The following ZBTB16 variants were observed in gnomAD, a reference collection of about 807,000 sequenced individuals.
The protein encoded by ZBTB16 is zinc finger and BTB domain containing 16.
ZBTB16 carries 8 observed loss-of-function variants against 56.8 expected under a neutral mutation model. That is an observed-to-expected ratio of 0.14 (90% confidence interval 0.08 to 0.25). The LOEUF is 0.25. Among genes scored for constraint, ZBTB16 ranks in the 10% least tolerant of loss-of-function variants. The pLI is 1.00. For synonymous variants in ZBTB16, 363 were observed against 368.5 expected (o/e 0.98, Z 0.17); for missense variants, 625 against 903.0 (o/e 0.69, Z 3.95).
chr11:114,111,156 CGTGTGT>C (rs4020003), intron 2 of ZBTB16, among the ~76,000 whole-genome samples: 2 of 148,842 alleles, frequency 1.3e-5, no homozygotes, highest in African/African-American at 4.9e-5. Context: ...ATCTGTGCTG[CGTGTGT>C]GTGTGTGTGT....
At chr11:114,219,033 T>TG in intron 4 of ZBTB16, among the ~76,000 whole-genome samples, 1 of 152,120 alleles carries the variant, frequency 6.6e-6, no homozygotes, top group East Asian at 1.9e-4. Context: ...TGTGTGTGCA[T>TG]GTGCGTGTGC....
chr11:114,087,445 C>G (rs1323304664), intron 2 of ZBTB16, among the ~76,000 whole-genome samples: 2 of 152,172 alleles, frequency 1.3e-5, no homozygotes, highest in Non-Finnish European at 2.9e-5. Flanking sequence ...CAACACCTTC[C>G]TCTCGAATCG....
At chr11:114,081,422 CAG>C (rs991964492) in intron 2 of ZBTB16, among the ~76,000 whole-genome samples, 2 of 151,954 alleles carry the variant, frequency 1.3e-5, no homozygotes, top group African/African-American at 4.8e-5. Flanking sequence ...ATATCTATGA[CAG>C]AGAATAGGAA....
intron 2 of ZBTB16, among the ~76,000 whole-genome samples, chr11:114,105,571 T>A (rs1009560415): frequency 2.0e-5 from 3 of 152,212 alleles, no homozygotes; most frequent in African/African-American, 7.2e-5. Flanking sequence ...TGAGTGGGGC[T>A]GCTTTTTGGT....
intron 2 of ZBTB16, among the ~76,000 whole-genome samples, chr11:114,108,017 T>G (rs988426570): frequency 6.6e-6 from 1 of 152,036 alleles, no homozygotes; most frequent in African/African-American, 2.4e-5. Flanking sequence ...TATTATTAGT[T>G]TGTACTCAGG....
chr11:114,223,724 T>C (rs1339425923), intron 4 of ZBTB16, among the ~76,000 whole-genome samples: 2 of 152,096 alleles, frequency 1.3e-5, no homozygotes, highest in Non-Finnish European at 2.9e-5. Context: ...ATAAATATTG[T>C]TATATTGGAG....
intron 4 of ZBTB16, among the ~76,000 whole-genome samples, chr11:114,234,548 C>T (rs401141): frequency 0.6 from 90,763 of 151,984 alleles, 28,705 homozygotes; most frequent in South Asian, 0.73. Context: ...GTAGTGCATC[C>T]CTAATGATCC....
In ZBTB16 at chr11:114,063,720, C is replaced by T. The variant is rs762381102; in HGVS notation, c.420C>T (p.Gly140=). The stretch of plus-strand genomic sequence containing the variant: ...ACACGGAGGCCACCATGGCCGATGG[C>T]GGGGCCGAGGAAGAAGAGGACCGCA... The part of the protein sequence containing the change: ...DNDTEATMAD[G]GAEEEEDRKA... The change falls in exon 2 of 7, where the codon GGC becomes GGT. Residue 140 remains glycine (G), a synonymous_variant. Coordinates refer to ENST00000335953, the MANE Select transcript of ZBTB16 (RefSeq NM_006006.6). The surrounding 1 kb of genome is among the most constrained non-coding windows in gnomAD (Gnocchi z 6.5). The T allele has an allele frequency of 7.4e-6, 12 of 1,613,834 alleles. No homozygotes were observed. The highest frequency in any genetic ancestry group is 3.3e-5 in the Admixed American group (2 of 60,002).
chr11:114,101,927 G>T lies in ZBTB16; in HGVS notation c.1268+37359G>T, dbSNP rs147427637. Among the ~76,000 whole-genome samples, 523 of 152,358 alleles carry T rather than the reference G, an allele frequency of 3.4e-3. 3 individuals are homozygous for T. The highest frequency in any genetic ancestry group is 0.011 in the African/African-American group (441 of 41,578). On this transcript the variant is annotated intron_variant, in intron 2 of 6. Transcript: ENST00000335953. ...TGGTATCCCAGATGGGGAGGGGCAG[G>T]TAAGGTTTTATCAGTGGCTTTTAAT...
At chr11:114,220,770 C>T (rs910266151) in intron 4 of ZBTB16, among the ~76,000 whole-genome samples, 1 of 152,326 alleles carries the variant, frequency 6.6e-6, no homozygotes, top group African/African-American at 2.4e-5. Flanking sequence ...GCTACTCCTC[C>T]CATGACTTCC....
intron 2 of ZBTB16, among the ~76,000 whole-genome samples, chr11:114,103,076 A>G (rs908674503): frequency 9.8e-5 from 15 of 152,336 alleles, no homozygotes; most frequent in Admixed American, 1.3e-4. Context: ...AGGTCTGTCA[A>G]TGGCACTTCA....
At chr11:114,132,196 T>G (rs938546697) in intron 2 of ZBTB16, among the ~76,000 whole-genome samples, 5 of 152,154 alleles carry the variant, frequency 3.3e-5, no homozygotes, top group African/African-American at 1.2e-4. Context: ...ACGGGTTAAA[T>G]GAAGTCTGTG....
intron 2 of ZBTB16, among the ~76,000 whole-genome samples, chr11:114,106,938 C>T (rs2137768848): frequency 6.6e-6 from 1 of 152,276 alleles, no homozygotes; most frequent in Middle Eastern, 3.4e-3. Context: ...ATAGCCCAGT[C>T]CCTGCTAGAT....
chr11:114,138,995 C>T (rs1009432628), intron 2 of ZBTB16, among the ~76,000 whole-genome samples: 7 of 152,096 alleles, frequency 4.6e-5, no homozygotes, highest in African/African-American at 1.7e-4. Flanking sequence ...CTGGCCTACT[C>T]CCTTCCTCTT....
chr11:114,177,850 G>C (rs1333091345), intron 3 of ZBTB16, among the ~76,000 whole-genome samples: 1 of 151,964 alleles, frequency 6.6e-6, no homozygotes, highest in Non-Finnish European at 1.5e-5. Context: ...CCCAGGCTGG[G>C]GTTACAGGCA....
chr11:114,063,736 G>C lies in ZBTB16; in HGVS notation c.436G>C (p.Glu146Gln), dbSNP rs116000851. ...GGCCGATGGCGGGGCCGAGGAAGAA[G>C]AGGACCGCAAGGCTCGGTACCTCAA... ...TMADGGAEEE[E>Q]DRKARYLKNI... Residue 146 changes from glutamate to glutamine, a missense_variant, in exon 2 of 7, where the codon GAG becomes CAG. Physicochemically the swap from Glu to Gln is conservative, Grantham distance 29. This residue lies in a region of ZBTB16 where 384 missense variants were observed against 393.5 expected (regional missense o/e 0.98). Coordinates refer to ENST00000335953, the MANE Select transcript of ZBTB16 (RefSeq NM_006006.6). This position sits in a 1 kb window ranked among gnomAD's most constrained non-coding sequence, Gnocchi z 6.5. 6.2e-7 allele frequency: 1 copy of C among 1,614,028 alleles called. No homozygotes were observed. Among genetic ancestry groups the C allele is most frequent in the Non-Finnish European group, 8.5e-7 (1 of 1,180,050 alleles).
At chr11:114,065,704 C>T (rs150799335) in intron 2 of ZBTB16, among the ~76,000 whole-genome samples, 239 of 152,306 alleles carry the variant, frequency 1.6e-3, no homozygotes, top group African/African-American at 2.4e-3. Context: ...TATGAGCCAC[C>T]GTGTCCAGCT....
At chr11:114,171,202 G>A (rs1457740851) in intron 3 of ZBTB16, among the ~76,000 whole-genome samples, 4 of 152,224 alleles carry the variant, frequency 2.6e-5, no homozygotes, top group Non-Finnish European at 4.4e-5. Flanking sequence ...TAATGAGGCC[G>A]AATGATACTC....
intron 2 of ZBTB16, among the ~76,000 whole-genome samples, chr11:114,121,320 C>T (rs535773918): frequency 1.1e-4 from 17 of 152,172 alleles, no homozygotes; most frequent in Non-Finnish European, 2.2e-4. Flanking sequence ...AGCTCCAGGG[C>T]ACCGTGGCTT....
Sources: allele counts gnomAD v4.1 joint callset (sites outside exome capture counted in the v4.1 genomes callset), GRCh38; gene constraint gnomAD v4.1.1; regional missense constraint gnomAD v4.1.1; non-coding constraint Gnocchi (gnomAD v3.1); transcripts MANE v1.5; gene names NCBI Gene and HGNC (gene_info 2026-07-23, HGNC 2026-07-21).